The following GSK3B variants were observed in gnomAD, a reference collection of about 807,000 sequenced individuals.
GSK3B encodes the protein glycogen synthase kinase-3 beta.
In GSK3B, 15 loss-of-function variants were observed where a neutral mutation model predicts 56.4. That is an observed-to-expected ratio of 0.27 (90% CI 0.18 to 0.41). The LOEUF (loss-of-function observed/expected upper bound fraction) is 0.41. GSK3B is among the 10% of genes least tolerant of loss of function. The pLI is 1.00. For synonymous variants in GSK3B, 181 were observed against 188.9 expected, an observed-to-expected ratio of 0.96 and a Z score of 0.34; for missense variants, 300 against 513.4, an observed-to-expected ratio of 0.58 and a Z score of 4.02.
At chr3:119,920,751 G>C (rs150999060) in intron 4 of GSK3B, among the ~76,000 whole-genome samples, 3 of 152,206 alleles carry the variant, frequency 2.0e-5, no homozygotes, top group Non-Finnish European at 4.4e-5. Flanking sequence ...CAATGTAAGA[G>C]AAAGGAAATA....
chr3:119,896,759 G>C (rs1179171702), intron 7 of GSK3B, among the ~76,000 whole-genome samples: 1 of 152,102 alleles, frequency 6.6e-6, no homozygotes. Flanking sequence ...CCTGAAGTCA[G>C]GGGTCTAGCA....
intron 1 of GSK3B, among the ~76,000 whole-genome samples, chr3:120,052,823 T>C (rs1374996430): frequency 6.6e-6 from 1 of 152,250 alleles, no homozygotes; most frequent in East Asian, 1.9e-4. Flanking sequence ...ACTGAGTAAG[T>C]ACCTAGTTTG....
At chr3:119,881,230 A>G (rs964147429) in intron 7 of GSK3B, among the ~76,000 whole-genome samples, 6 of 152,200 alleles carry the variant, frequency 3.9e-5, no homozygotes, top group Admixed American at 3.9e-4. Context: ...TGACTGCCTT[A>G]AAGTTCAAAA....
At chr3:119,966,151 A>G (rs2057316831) in intron 2 of GSK3B, among the ~76,000 whole-genome samples, 1 of 152,200 alleles carries the variant, frequency 6.6e-6, no homozygotes, top group Non-Finnish European at 1.5e-5. Flanking sequence ...CTTTGCACAC[A>G]GTATATACAA....
chr3:119,840,391 A>C (rs1298110245), intron 10 of GSK3B, among the ~76,000 whole-genome samples: 4 of 151,998 alleles, frequency 2.6e-5, no homozygotes, highest in African/African-American at 4.8e-5. Flanking sequence ...CGTCCGGCTA[A>C]TTTTGTATTT....
intron 1 of GSK3B, among the ~76,000 whole-genome samples, chr3:120,019,132 T>C (rs1238687570): frequency 6.6e-6 from 1 of 152,216 alleles, no homozygotes; most frequent in Admixed American, 6.5e-5. Flanking sequence ...TACAATATTT[T>C]ACTTTTACTT....
chr3:119,830,925 G>C (rs1312037941), intron 10 of GSK3B, among the ~76,000 whole-genome samples: 1 of 152,124 alleles, frequency 6.6e-6, no homozygotes, highest in Non-Finnish European at 1.5e-5. Flanking sequence ...AGGTAAAAGA[G>C]ACATCTAAAA....
intron 7 of GSK3B, 105 bp from the exon 8 acceptor site, chr3:119,876,613 A>G: frequency 1.5e-6 from 1 of 680,662 alleles, no homozygotes; most frequent in Non-Finnish European, 2.6e-6. Context: ...CCCAAGTTAA[A>G]TAAAATACGT....
At chr3:120,066,887 T>C (rs1418313809) in intron 1 of GSK3B, among the ~76,000 whole-genome samples, 1 of 152,206 alleles carries the variant, frequency 6.6e-6, no homozygotes, top group African/African-American at 2.4e-5. Context: ...CTATAAGCTG[T>C]AGTTTGCAGA....
chr3:119,979,745 A>G (rs980992291), intron 2 of GSK3B, among the ~76,000 whole-genome samples: 2 of 152,218 alleles, frequency 1.3e-5, no homozygotes, highest in Non-Finnish European at 2.9e-5. Context: ...AAAAAACCCT[A>G]AAATGACTTC....
At chr3:119,861,844 C>T (rs1353757615) in intron 9 of GSK3B, among the ~76,000 whole-genome samples, 1 of 152,142 alleles carries the variant, frequency 6.6e-6, no homozygotes, top group East Asian at 1.9e-4. Flanking sequence ...ATACATTTCT[C>T]AGAACATATC....
chr3:120,012,898 G>A (rs1373258335), intron 1 of GSK3B, among the ~76,000 whole-genome samples: 1 of 151,980 alleles, frequency 6.6e-6, no homozygotes, highest in African/African-American at 2.4e-5. Flanking sequence ...GCCCAGGTTG[G>A]TCTCTAACTC....
intron 4 of GSK3B, among the ~76,000 whole-genome samples, chr3:119,922,469 A>G (rs916477820): frequency 6.8e-6 from 1 of 147,950 alleles, no homozygotes; most frequent in African/African-American, 2.5e-5. Context: ...CTATATATAT[A>G]TATGACTCCT....
intron 1 of GSK3B, among the ~76,000 whole-genome samples, chr3:120,077,223 G>A (rs1195646578): frequency 2.0e-5 from 3 of 152,012 alleles, no homozygotes; most frequent in African/African-American, 4.8e-5. Flanking sequence ...GCATTCCCAC[G>A]TTCACTACAG....
chr3:119,980,585 C>T (rs771041585), intron 2 of GSK3B, among the ~76,000 whole-genome samples: 3 of 152,196 alleles, frequency 2.0e-5, no homozygotes, highest in Non-Finnish European at 4.4e-5. Flanking sequence ...AACTCCCAAC[C>T]TCAGGTAACC....
chr3:119,980,903 T>A (rs1249747550), intron 2 of GSK3B, among the ~76,000 whole-genome samples: 1 of 152,184 alleles, frequency 6.6e-6, no homozygotes, highest in Non-Finnish European at 1.5e-5. Flanking sequence ...AAGAAAGAGA[T>A]GTTTACAAGT....
intron 1 of GSK3B, among the ~76,000 whole-genome samples, chr3:120,070,893 C>T (rs1442424633): frequency 6.6e-6 from 1 of 152,152 alleles, no homozygotes; most frequent in Non-Finnish European, 1.5e-5. Flanking sequence ...CGAGTTCTGC[C>T]TCATTATTAG....
At chr3:119,958,250 T>C (rs1392383737) in intron 2 of GSK3B, among the ~76,000 whole-genome samples, 2 of 152,298 alleles carry the variant, frequency 1.3e-5, no homozygotes, top group African/African-American at 2.4e-5. Context: ...CATGTGGAAC[T>C]GTGAACCAAT....
chr3:120,025,700 A>G (rs568725289), intron 1 of GSK3B, among the ~76,000 whole-genome samples: 2 of 152,320 alleles, frequency 1.3e-5, no homozygotes, highest in African/African-American at 2.4e-5. Context: ...CAAGGATAAA[A>G]AAGAGTCTAC....
Sources: allele counts gnomAD v4.1 joint callset (sites outside exome capture counted in the v4.1 genomes callset), GRCh38; gene constraint gnomAD v4.1.1; transcripts MANE v1.5; gene names NCBI Gene and HGNC (gene_info 2026-07-23, HGNC 2026-07-21).